SLC60A1: variants seen among roughly 807,000 people sequenced by gnomAD.
The protein encoded by SLC60A1 is major facilitator superfamily domain containing 4.
the SLC60A1 span, among the ~76,000 whole-genome samples, chr1:205,597,386 T>TGG: frequency 2.1e-5 from 3 of 145,854 alleles, no homozygotes; most frequent in Non-Finnish European, 3.0e-5. Flanking sequence ...TTTTTTTTTT[T>TGG]TTTTTTTTTT....
chr1:205,597,415 G>A, the SLC60A1 span: 1 of 137,592 alleles, frequency 7.3e-6, no homozygotes, highest in Admixed American at 7.8e-5. Flanking sequence ...TTTTGACAGG[G>A]TCTCACTCTG....
At chr1:205,594,974 G>A in the SLC60A1 span, 5 of 152,210 alleles carry the variant, frequency 3.3e-5, no homozygotes, top group African/African-American at 9.7e-5. Context: ...GCTGCTGGGT[G>A]ATTCTAATGT....
At chr1:205,590,724 T>C in the SLC60A1 span, among the ~76,000 whole-genome samples, 1 of 152,258 alleles carries the variant, frequency 6.6e-6, no homozygotes, top group African/African-American at 2.4e-5. Flanking sequence ...CCTAGCTCTA[T>C]AGTCTGTACT....
the SLC60A1 span, chr1:205,569,215 C>T: frequency 9.6e-6 from 15 of 1,559,934 alleles, no homozygotes; most frequent in Non-Finnish European, 1.3e-5. Context: ...ACGCACAGCT[C>T]GCTGCCCCAG....
chr1:205,569,717 G>A, the SLC60A1 span, among the ~76,000 whole-genome samples: 1 of 152,076 alleles, frequency 6.6e-6, no homozygotes, highest in African/African-American at 2.4e-5. Flanking sequence ...TGCCGGGGGC[G>A]GGATTGGCAG....
the SLC60A1 span, chr1:205,579,924 A>G: frequency 1.2e-6 from 2 of 1,613,768 alleles, no homozygotes; most frequent in Admixed American, 1.7e-5. Flanking sequence ...AGGATGTACC[A>G]GAAGGACTCG....
At chr1:205,569,131 A>T in the SLC60A1 span, 1,218 of 1,533,104 alleles carry the variant, frequency 7.9e-4, 27 homozygotes, top group South Asian at 0.014. Flanking sequence ...ACGCTCACCT[A>T]CTGGAGCGTC....
At chr1:205,591,398 C>G in the SLC60A1 span, among the ~76,000 whole-genome samples, 1 of 148,866 alleles carries the variant, frequency 6.7e-6, no homozygotes, top group Non-Finnish European at 1.5e-5. Context: ...GGGAGGAACG[C>G]TTGAGCCCTG....
the SLC60A1 span, chr1:205,600,614 G>A: frequency 1.2e-4 from 79 of 659,966 alleles, no homozygotes; most frequent in African/African-American, 1.2e-3. Context: ...AAATTAAATT[G>A]AGTCCTGGTA....
At chr1:205,569,175 G>T in the SLC60A1 span, 1 of 1,543,380 alleles carries the variant, frequency 6.5e-7, no homozygotes, top group South Asian at 1.2e-5. Flanking sequence ...CGCCTTCCTG[G>T]GGCCCACGCT....
the SLC60A1 span, among the ~76,000 whole-genome samples, chr1:205,575,491 T>A: frequency 6.6e-6 from 1 of 152,158 alleles, no homozygotes; most frequent in African/African-American, 2.4e-5. Flanking sequence ...GCTCAGGCCC[T>A]TCCCCTGTTT....
chr1:205,588,486 AAAAAG>A, the SLC60A1 span, among the ~76,000 whole-genome samples: 16 of 150,654 alleles, frequency 1.1e-4, no homozygotes, highest in African/African-American at 3.7e-4. Flanking sequence ...AAAAAAAAAA[AAAAAG>A]AAAGAGAAAA....
chr1:205,599,403 C>T, the SLC60A1 span: 1 of 1,017,604 alleles, frequency 9.8e-7, no homozygotes, highest in Non-Finnish European at 1.4e-6. Flanking sequence ...CTACAGCTTC[C>T]TTTTCCTCTC....
chr1:205,599,085 C>T, the SLC60A1 span: 381,348 of 1,608,662 alleles, frequency 0.24, 51,969 homozygotes, highest in East Asian at 0.59. Context: ...ACACCTTCCA[C>T]GTGAAGTTTT....
At chr1:205,580,896 C>G in the SLC60A1 span, 1 of 1,613,812 alleles carries the variant, frequency 6.2e-7, no homozygotes, top group Non-Finnish European at 8.5e-7. This position sits in a 1 kb window ranked among gnomAD's most constrained non-coding sequence, Gnocchi z 5.0. Flanking sequence ...GTGTCCTATG[C>G]CTTCTGGATC....
At chr1:205,590,423 C>CCATTG in the SLC60A1 span, among the ~76,000 whole-genome samples, 1 of 152,074 alleles carries the variant, frequency 6.6e-6, no homozygotes, top group Non-Finnish European at 1.5e-5. Context: ...CATTTCCATT[C>CCATTG]TGAAGGGAAT....
the SLC60A1 span, chr1:205,600,418 A>G: frequency 6.2e-7 from 1 of 1,614,168 alleles, no homozygotes; most frequent in South Asian, 1.1e-5. Context: ...CCTACCCAAG[A>G]CAGATCAATT....
the SLC60A1 span, chr1:205,569,306 G>A: frequency 2.7e-6 from 4 of 1,497,718 alleles, no homozygotes; most frequent in Admixed American, 6.2e-5. Context: ...GGACGTGAGT[G>A]CCGCGCCCGT....
the SLC60A1 span, among the ~76,000 whole-genome samples, chr1:205,593,167 A>G: frequency 1.3e-5 from 2 of 152,128 alleles, no homozygotes; most frequent in Admixed American, 6.5e-5. Flanking sequence ...CTGGAAAACC[A>G]GCATTAAGAT....
Sources: allele counts gnomAD v4.1 joint callset (sites outside exome capture counted in the v4.1 genomes callset), GRCh38; gene constraint gnomAD v4.1.1; non-coding constraint Gnocchi (gnomAD v3.1); transcripts MANE v1.5; gene names NCBI Gene and HGNC (gene_info 2026-07-23, HGNC 2026-07-21).